The following SLC24A2 variants were observed in gnomAD, a reference collection of about 807,000 sequenced individuals.
SLC24A2 encodes solute carrier family 24 member 2.
SLC24A2 carries 36 observed loss-of-function variants against 62.0 expected under a neutral mutation model. That is an observed-to-expected ratio of 0.58 (90% CI 0.44 to 0.77). SLC24A2 has a LOEUF of 0.77. Ranked by LOEUF, SLC24A2 falls within the 30% of genes least tolerant of loss-of-function variation. SLC24A2 has a pLI of 0.00. For missense variants in SLC24A2, 846 were observed against 817.9 expected (o/e 1.03, Z -0.42); for synonymous variants, 358 against 294.0 (o/e 1.22, Z -2.23).
At chr9:20,265,475 T>C in the SLC24A2 span, among the ~76,000 whole-genome samples, 2 of 152,326 alleles carry the variant, frequency 1.3e-5, no homozygotes, top group South Asian at 4.1e-4. Context: ...TGAACATAAA[T>C]TGTGAAGATT....
At chr9:19,988,341 G>T in the SLC24A2 span, among the ~76,000 whole-genome samples, 1 of 152,130 alleles carries the variant, frequency 6.6e-6, no homozygotes, top group Non-Finnish European at 1.5e-5. Flanking sequence ...AGACAATATT[G>T]ATTCCCTCTA....
the SLC24A2 span, among the ~76,000 whole-genome samples, chr9:20,025,380 T>C: frequency 6.6e-6 from 1 of 152,154 alleles, no homozygotes; most frequent in African/African-American, 2.4e-5. Flanking sequence ...CTATATTCAG[T>C]ATACAAAACA....
At chr9:19,855,172 C>G in the SLC24A2 span, among the ~76,000 whole-genome samples, 1 of 152,106 alleles carries the variant, frequency 6.6e-6, no homozygotes, top group Non-Finnish European at 1.5e-5. Context: ...TTATTTTGAG[C>G]CTATGGGTGT....
the SLC24A2 span, among the ~76,000 whole-genome samples, chr9:20,043,867 C>T: frequency 5.3e-5 from 8 of 152,042 alleles, no homozygotes; most frequent in Admixed American, 1.3e-4. Flanking sequence ...GAGGACTGAC[C>T]GATTTTGAAA....
the SLC24A2 span, among the ~76,000 whole-genome samples, chr9:20,052,437 T>C: frequency 6.6e-6 from 1 of 152,172 alleles, no homozygotes; most frequent in Non-Finnish European, 1.5e-5. Flanking sequence ...TAAGGAACAA[T>C]TGCACCAAAT....
chr9:20,091,490 A>C, the SLC24A2 span, among the ~76,000 whole-genome samples: 1 of 152,122 alleles, frequency 6.6e-6, no homozygotes, highest in Non-Finnish European at 1.5e-5. Flanking sequence ...CCATCAGGCT[A>C]CCAGACCACC....
chr9:19,788,432 G>T (rs535516694), intron 1 of SLC24A2: 34 of 863,990 alleles, frequency 3.9e-5, no homozygotes, highest in Non-Finnish European at 4.7e-5. Flanking sequence ...CTCCGTAGGA[G>T]AATGTTCGCC....
At chr9:20,181,835 A>C in the SLC24A2 span, among the ~76,000 whole-genome samples, 1 of 152,260 alleles carries the variant, frequency 6.6e-6, no homozygotes, top group Non-Finnish European at 1.5e-5. Context: ...AATTATCAGC[A>C]GAATGAATAG....
the SLC24A2 span, among the ~76,000 whole-genome samples, chr9:20,050,438 A>C: frequency 6.6e-6 from 1 of 152,024 alleles, no homozygotes; most frequent in Admixed American, 6.6e-5. Context: ...AAAGCCATCC[A>C]TTAGCAAGAC....
intron 7 of SLC24A2, among the ~76,000 whole-genome samples, chr9:19,566,348 GAC>G (rs1365011412): frequency 2.0e-5 from 3 of 149,082 alleles, no homozygotes; most frequent in South Asian, 2.2e-4. Context: ...GCAGCCAAAA[GAC>G]ACATGAAAAA....
At chr9:19,663,587 C>T (rs1342283383) in intron 2 of SLC24A2, among the ~76,000 whole-genome samples, 1 of 152,166 alleles carries the variant, frequency 6.6e-6, no homozygotes, top group East Asian at 1.9e-4. Context: ...GGTCCACGTC[C>T]TGCAGGGGGT....
chr9:19,910,082 C>T, the SLC24A2 span, among the ~76,000 whole-genome samples: 1 of 152,038 alleles, frequency 6.6e-6, no homozygotes, highest in Non-Finnish European at 1.5e-5. Flanking sequence ...CTCTGTCTTC[C>T]TGAAATGTAT....
the SLC24A2 span, among the ~76,000 whole-genome samples, chr9:19,840,489 A>G: frequency 1.3e-5 from 2 of 152,110 alleles, no homozygotes; most frequent in African/African-American, 4.8e-5. Context: ...CCCTTAGCTA[A>G]TCTCTTTTAT....
intron 5 of SLC24A2, among the ~76,000 whole-genome samples, chr9:19,581,925 A>G (rs1350067674): frequency 6.6e-6 from 1 of 152,236 alleles, no homozygotes; most frequent in Non-Finnish European, 1.5e-5. Flanking sequence ...CTTGTGGTCT[A>G]AACCCTTAAA....
intron 2 of SLC24A2, among the ~76,000 whole-genome samples, chr9:19,758,419 A>C (rs1018380896): frequency 9.9e-6 from 1 of 101,288 alleles, no homozygotes; most frequent in Non-Finnish European, 2.6e-5. Flanking sequence ...TGGAGCAGGA[A>C]AGGAGGAACA....
At chr9:19,772,470 A>T (rs1343116546) in intron 2 of SLC24A2, among the ~76,000 whole-genome samples, 4 of 152,208 alleles carry the variant, frequency 2.6e-5, no homozygotes, top group Non-Finnish European at 5.9e-5. Context: ...TGCAAACCAT[A>T]TATCTGATAA....
At chr9:19,518,104 A>C (rs1177524391) in intron 10 of SLC24A2, among the ~76,000 whole-genome samples, 2 of 152,214 alleles carry the variant, frequency 1.3e-5, no homozygotes, top group Non-Finnish European at 2.9e-5. Context: ...AATGCAGATT[A>C]AACTTTACTC....
chr9:20,026,218 A>G, the SLC24A2 span, among the ~76,000 whole-genome samples: 1 of 152,230 alleles, frequency 6.6e-6, no homozygotes, highest in Non-Finnish European at 1.5e-5. Context: ...TAAAAAAAAT[A>G]GGGAATGGTG....
chr9:20,160,989 C>G, the SLC24A2 span, among the ~76,000 whole-genome samples: 3 of 150,908 alleles, frequency 2.0e-5, no homozygotes, highest in Non-Finnish European at 3.0e-5. Flanking sequence ...GAAAAAACTA[C>G]CAAATAATTT....
Sources: gnomAD v4.1 joint callset for allele counts (sites outside exome capture counted in the v4.1 genomes callset) on GRCh38, gnomAD v4.1.1 for gene constraint, MANE v1.5 for transcripts, NCBI Gene and HGNC (gene_info 2026-07-23, HGNC 2026-07-21) for gene names.